Variants in WDFY3 observed in about 807,000 individuals in gnomAD.
The protein encoded by WDFY3 is WD repeat and FYVE domain containing 3, also known as WD repeat and FYVE domain-containing protein 3.
WDFY3 carries 66 observed loss-of-function variants against 409.6 expected under a neutral mutation model. The observed-to-expected ratio is 0.16, with a 90% CI of 0.13 to 0.20. The LOEUF is 0.20. Among genes scored for constraint, WDFY3 ranks in the 10% least tolerant of loss-of-function variants. The pLI, the probability that WDFY3 is intolerant of heterozygous loss-of-function variation, is 1.00. For synonymous variants in WDFY3, 1,521 were observed against 1,537.1 expected, an observed-to-expected ratio of 0.99 and a Z score of 0.25; for missense variants, 3,031 against 4,298.1, an observed-to-expected ratio of 0.71 and a Z score of 8.24.
chr4:84,682,918 G>A lies in WDFY3; in HGVS notation c.9727-448C>T, dbSNP rs142489123. On this transcript the variant is annotated intron_variant, in intron 63 of 67. Coordinates refer to ENST00000295888, the MANE Select transcript of WDFY3 (RefSeq NM_014991.6). ...AATTGCTTGAACCTGGGAGGCAGAG[G>A]TTTCAGTAAGCCGAGATTGCACCAC... 8.1e-3 allele frequency: 1,273 copies of A among 157,086 alleles called. 22 individuals are homozygous for A. The highest frequency in any genetic ancestry group is 0.029 in the African/African-American group (1,200 of 41,564). The allele number at this position is 157,086 out of a possible 1,614,324, so 9.7% of individuals were successfully genotyped here. A position where few individuals can be genotyped will look rare whatever the true frequency, so the allele number is the denominator to read the frequency against.
At chr4:84,757,376 T>C (rs1225730412) in intron 32 of WDFY3, among the ~76,000 whole-genome samples, 2 of 152,194 alleles carry the variant, frequency 1.3e-5, no homozygotes, top group African/African-American at 4.8e-5. Flanking sequence ...TATTAGGATA[T>C]AGGTTTTGAA....
chr4:84,699,065 G>A (rs555230575), intron 56 of WDFY3, among the ~76,000 whole-genome samples: 1 of 151,098 alleles, frequency 6.6e-6, no homozygotes, highest in East Asian at 1.9e-4. Context: ...TTTCTATTGG[G>A]GTGAAATTCA....
At position 84,672,997 on chromosome 4, in the gene WDFY3, G is replaced by C. The variant is rs371353653; in HGVS notation, c.10458-6C>G. Reference sequence around the variant, plus strand: ...CAGATTGAAAGCGACTGCACCTAAAGGAAAGGAAAAGTCAATTAATTATAG... The same window carrying C: ...CAGATTGAAAGCGACTGCACCTAAACGAAAGGAAAAGTCAATTAATTATAG... On this transcript the variant is annotated splice_region_variant and splice_polypyrimidine_tract_variant and intron_variant, in intron 67 of 67. Transcript: ENST00000295888. The C allele has an allele frequency of 1.1e-5, 18 of 1,613,706 alleles. No individual in the cohort carries two copies. In the African/African-American group the frequency reaches 2.1e-4, roughly 19 times the overall value.
intron 21 of WDFY3, 93 bp downstream of exon 21, chr4:84,794,426 A>C: frequency 8.2e-7 from 1 of 1,226,874 alleles, no homozygotes; most frequent in South Asian, 1.5e-5. Context: ...TTTAAGCTGA[A>C]AAGTTATTAT....
chr4:84,758,755 T>C (rs1044528517), intron 32 of WDFY3, among the ~76,000 whole-genome samples: 7 of 152,222 alleles, frequency 4.6e-5, no homozygotes, highest in African/African-American at 1.7e-4. Context: ...TAAAAAACTC[T>C]TTCCCATATC....
intron 3 of WDFY3, among the ~76,000 whole-genome samples, chr4:84,893,155 A>C (rs1184451984): frequency 6.6e-6 from 1 of 152,202 alleles, no homozygotes; most frequent in Non-Finnish European, 1.5e-5. Flanking sequence ...CTTTCCATCA[A>C]CTGAGACCAA....
chr4:84,683,276 C>A (rs1199993195), intron 63 of WDFY3, among the ~76,000 whole-genome samples: 1 of 152,134 alleles, frequency 6.6e-6, no homozygotes, highest in Non-Finnish European at 1.5e-5. Flanking sequence ...GGACTGATGG[C>A]TTCACTGTCT....
intron 1 of WDFY3, among the ~76,000 whole-genome samples, chr4:84,955,626 G>A (rs1211029247): frequency 6.6e-6 from 1 of 152,070 alleles, no homozygotes; most frequent in African/African-American, 2.4e-5. Flanking sequence ...AAGAAAGATA[G>A]GTGAAGAGTA....
At chr4:84,691,276 G>A (rs1729218919) in intron 60 of WDFY3, among the ~76,000 whole-genome samples, 1 of 152,074 alleles carries the variant, frequency 6.6e-6, no homozygotes, top group Non-Finnish European at 1.5e-5. Context: ...AAGTGGGGCA[G>A]ATGGTGACTC....
intron 2 of WDFY3, among the ~76,000 whole-genome samples, chr4:84,922,475 T>C (rs1190472200): frequency 6.6e-6 from 1 of 152,146 alleles, no homozygotes; most frequent in African/African-American, 2.4e-5. Flanking sequence ...ATTTATTAAA[T>C]TGTAAGTGTG....
At chr4:84,687,145 T>A (rs951551029) in intron 62 of WDFY3, among the ~76,000 whole-genome samples, 1 of 152,084 alleles carries the variant, frequency 6.6e-6, no homozygotes, top group Non-Finnish European at 1.5e-5. Flanking sequence ...ATTTCTAACC[T>A]TCTTCTTCTT....
chr4:84,812,993 C>T (rs1397787196), intron 13 of WDFY3, among the ~76,000 whole-genome samples: 3 of 152,082 alleles, frequency 2.0e-5, no homozygotes, highest in African/African-American at 7.2e-5. Context: ...TGCATAAATA[C>T]AATTCATACA....
chr4:84,770,157 T>C (rs1172801887), intron 30 of WDFY3, among the ~76,000 whole-genome samples: 4 of 151,748 alleles, frequency 2.6e-5, no homozygotes, highest in Non-Finnish European at 4.4e-5. Flanking sequence ...GCCTCCTGAG[T>C]AGCTGGGACC....
At chr4:84,861,666 A>G (rs1760657944) in intron 3 of WDFY3, among the ~76,000 whole-genome samples, 1 of 152,234 alleles carries the variant, frequency 6.6e-6, no homozygotes, top group Non-Finnish European at 1.5e-5. Context: ...AACTTGTTTC[A>G]TGAAGCTTAT....
At chr4:84,960,043 G>A (rs1000961119) in intron 1 of WDFY3, among the ~76,000 whole-genome samples, 4 of 152,086 alleles carry the variant, frequency 2.6e-5, no homozygotes, top group African/African-American at 9.7e-5. Context: ...TACCTCAATA[G>A]TATAGTAAAT....
intron 13 of WDFY3, among the ~76,000 whole-genome samples, chr4:84,815,911 T>C (rs1437615212): frequency 2.6e-5 from 4 of 152,150 alleles, no homozygotes; most frequent in Non-Finnish European, 4.4e-5. Context: ...CTACTATCTT[T>C]AGTATCCAGT....
At chr4:84,807,482 A>T (rs969701542) in intron 15 of WDFY3, among the ~76,000 whole-genome samples, 9 of 152,210 alleles carry the variant, frequency 5.9e-5, no homozygotes, top group African/African-American at 1.7e-4. Context: ...AAGTTTCAAA[A>T]TCTGAACAAC....
chr4:84,821,571 C>T lies in WDFY3; in HGVS notation c.1124-20G>A, dbSNP rs1754063941. Reference sequence around the variant, plus strand: ...TGTGACCTAGAACAGAAAAGAAAAACATAAAAGTAGGTACTATGTGATATT... The same window carrying T: ...TGTGACCTAGAACAGAAAAGAAAAATATAAAAGTAGGTACTATGTGATATT... On this transcript the variant is annotated intron_variant, in intron 10 of 67. Transcript: ENST00000295888. 1.9e-6 allele frequency: 3 copies of T among 1,581,844 alleles called. No individual in the cohort carries two copies. The East Asian group carries it at 6.7e-5, about 35-fold the overall frequency.
At chr4:84,736,059 A>G in intron 42 of WDFY3, 111 bp downstream of exon 42, 1 of 1,252,884 alleles carries the variant, frequency 8.0e-7, no homozygotes, top group Non-Finnish European at 1.1e-6. Flanking sequence ...TTCTATCTCT[A>G]TTCTAAAGCA....
Sources: gnomAD v4.1 joint callset for allele counts (sites outside exome capture counted in the v4.1 genomes callset) on GRCh38, gnomAD v4.1.1 for gene constraint, MANE v1.5 for transcripts, NCBI Gene and HGNC (gene_info 2026-07-23, HGNC 2026-07-21) for gene names.